The following MED16 variants were observed in gnomAD, a reference collection of about 807,000 sequenced individuals.
MED16 encodes the protein mediator complex subunit 16, also known as mediator of RNA polymerase II transcription subunit 16.
A neutral mutation model predicts 84.4 loss-of-function variants in MED16; 81 were observed. The ratio of observed to expected loss-of-function variants is 0.96; its 90% CI spans 0.80 to 1.15. MED16 has a LOEUF of 1.15. MED16 is among the 50% of genes most tolerant of loss of function. MED16 has a pLI of 0.00. For synonymous variants in MED16, 897 were observed against 552.2 expected (o/e 1.62, Z -8.76); for missense variants, 1,585 against 1,245.9 (o/e 1.27, Z -4.10).
chr19:868,089 G>C lies in MED16; in HGVS notation c.*12C>G, dbSNP rs375750252. On this transcript the variant is annotated 3_prime_UTR_variant, in exon 16 of 16. Transcript: ENST00000325464. ...GCCGGGTCACCACAAGGTCCGCCTGGACCCCCGGCCGTCACGGACGGTCCT... is the reference window on the plus strand; with the variant it reads ...GCCGGGTCACCACAAGGTCCGCCTGCACCCCCGGCCGTCACGGACGGTCCT... 1.2e-4 allele frequency: 190 copies of C among 1,598,166 alleles called. No homozygotes were observed. The African/African-American group carries it at 2.5e-3, about 21-fold the overall frequency.
intron 8 of MED16, among the ~76,000 whole-genome samples, chr19:878,505 C>T (rs2036322769): frequency 6.8e-6 from 1 of 147,116 alleles, no homozygotes; most frequent in Non-Finnish European, 1.5e-5. Flanking sequence ...CCACCAGCCC[C>T]AGCCCCACGT....
chr19:889,728 C>T lies in MED16; in HGVS notation c.357G>A (p.Glu119=). ...CCTCCACTAGGCTGCCCACTGAGCT[C>T]TCCCAGCTATTAGCCAGGTGGTCCG... is the stretch of plus-strand genomic sequence containing the variant. ...SMADHLANSW[E]SSVGSLVEGD... is the part of the protein sequence containing the mutation. Residue 119 remains glutamate, a synonymous_variant, in exon 4 of 16, where the codon GAG becomes GAA. Coordinates refer to ENST00000325464, the MANE Select transcript of MED16 (RefSeq NM_005481.3). The T allele has an allele frequency of 6.2e-7, 1 of 1,613,752 alleles. No individual in the cohort carries two copies. The highest frequency in any genetic ancestry group is 8.5e-7 in the Non-Finnish European group (1 of 1,179,954).
Position 890,156 on chromosome 19 carries a change from G to A in MED16, c.258C>T (p.Cys86=). Residue 86 remains cysteine (C), a synonymous_variant, in exon 3 of 16, where the codon TGC becomes TGT. Transcript: ENST00000325464. ...CCTCACCTGACTGGTCCCACTCCAG[G>A]CAGGTGATGGCCTCGTGGTGCTCTG... ...IPSEHHEAIT[C]LEWDQSGSRL... 1.9e-6 allele frequency: 3 copies of A among 1,550,354 alleles called. No homozygotes were observed. Among genetic ancestry groups the A allele is most frequent in the South Asian group, 2.4e-5 (2 of 84,064 alleles).
intron 11 of MED16, chr19:872,862 C>T (rs192010590): frequency 9.7e-6 from 7 of 722,924 alleles, no homozygotes; most frequent in African/African-American, 6.0e-5. Context: ...GCCTGGGAGG[C>T]GGGGCTTTGA....
chr19:887,298 G>A (rs575982170), intron 4 of MED16, among the ~76,000 whole-genome samples: 12 of 152,294 alleles, frequency 7.9e-5, no homozygotes, highest in African/African-American at 2.4e-4. Context: ...CACACCACAC[G>A]TCTGTGTGGG....
In MED16 at chr19:884,931, G is replaced by A; in HGVS notation, c.957C>T (p.Asn319=). 5 of 1,609,630 alleles carry A rather than the reference G, an allele frequency of 3.1e-6. No individual in the cohort carries two copies. Among genetic ancestry groups the A allele is most frequent in the Non-Finnish European group, 4.2e-6 (5 of 1,179,252 alleles). ...CGGGGGAGATCTGCTGGAAGATGTTGTTCACGGGGAGTCCCTCCTTGCGCA... is the reference window on the plus strand; with the variant it reads ...CGGGGGAGATCTGCTGGAAGATGTTATTCACGGGGAGTCCCTCCTTGCGCA... The part of the protein sequence containing the change: ...WSLRKEGLPV[N]NIFQQISPVV... The change falls in exon 6 of 16, where the codon AAC becomes AAT. Residue 319 remains asparagine (N), a synonymous_variant. Coordinates refer to ENST00000325464, the MANE Select transcript of MED16 (RefSeq NM_005481.3).
rs968050502 is a variant in MED16 at position 871,023 on chromosome 19, A to T, written c.2315+14T>A. On this transcript the variant is annotated intron_variant, in intron 13 of 15. Coordinates refer to ENST00000325464, the MANE Select transcript of MED16 (RefSeq NM_005481.3). ...GAGTCCTGTGTTTGGGGACCAATGC[A>T]GGGACACACGCACCTGGCGAGGCCG... 1.6e-5 allele frequency: 24 copies of T among 1,534,844 alleles called. No individual in the cohort carries two copies. The highest frequency in any genetic ancestry group is 2.1e-5 in the Non-Finnish European group (24 of 1,136,430).
At position 880,114 on chromosome 19, in the gene MED16, G is replaced by T; in HGVS notation, c.1176C>A (p.His392Gln). 6.2e-7 allele frequency: 1 copy of T among 1,610,290 alleles called. No individual in the cohort carries two copies. Among genetic ancestry groups the T allele is most frequent in the Non-Finnish European group, 8.5e-7 (1 of 1,179,338 alleles). Residue 392 changes from histidine to glutamine, a missense_variant, in exon 8 of 16, where the codon CAC becomes CAA. Transcript: ENST00000325464. ...TCTGCAGTGAGAGCCGGTGCACGAT[G>T]TGGACGCTGCCGTCGTGGAAGGCCA... is the stretch of plus-strand genomic sequence containing the variant. ...LALAFHDGSV[H>Q]IVHRLSLQTM...
chr19:879,092 G>A (rs1376976988), intron 8 of MED16, among the ~76,000 whole-genome samples: 3 of 70,754 alleles, frequency 4.2e-5, no homozygotes, highest in African/African-American at 5.5e-5. Context: ...ACGTGCCCCA[G>A]CAGCTCGCCT....
At chr19:881,819 TC>T in intron 6 of MED16, 105 bp from the exon 7 acceptor site, 1 of 1,317,806 alleles carries the variant, frequency 7.6e-7, no homozygotes, top group Non-Finnish European at 1.1e-6. Flanking sequence ...CCAGGGCCCT[TC>T]CCAGGTCTCA....
intron 12 of MED16, chr19:871,666 G>A (rs775413413): frequency 2.1e-5 from 33 of 1,583,694 alleles, no homozygotes; most frequent in East Asian, 4.5e-5. Flanking sequence ...CTAGGAACTG[G>A]GGAAATAGCA....
intron 7 of MED16, 31 bp from the exon 8 acceptor site, chr19:880,179 G>C (rs1040801232): frequency 1.3e-6 from 2 of 1,586,048 alleles, no homozygotes; most frequent in Non-Finnish European, 1.7e-6. Flanking sequence ...TTAGACATGG[G>C]CAGGGCCCAG....
Position 874,314 on chromosome 19 carries a change from G to A in MED16, c.1772-732C>T, listed in dbSNP as rs563354488. Among the ~76,000 whole-genome samples, 15 of 152,170 alleles carry A rather than the reference G, an allele frequency of 9.9e-5. No individual in the cohort carries two copies. In the South Asian group the frequency reaches 1.2e-3, roughly 13 times the overall value. Reference sequence around the variant, plus strand: ...TTTTTAGTAGAGACGGGGTTTCACCGTGTTAGCCAGGATGATCTCGATCTC... The same window carrying A: ...TTTTTAGTAGAGACGGGGTTTCACCATGTTAGCCAGGATGATCTCGATCTC... On this transcript the variant is annotated intron_variant, in intron 10 of 15. Coordinates refer to ENST00000325464, the MANE Select transcript of MED16 (RefSeq NM_005481.3).
chr19:869,001 C>A (rs373231355), intron 13 of MED16, 55 bp from the exon 14 acceptor site: 3 of 1,450,550 alleles, frequency 2.1e-6, no homozygotes, highest in Admixed American at 2.3e-5. Context: ...GGCCAGGTTC[C>A]GGCAGGGGCA....
At position 885,931 on chromosome 19, in the gene MED16, G is replaced by A. The variant is rs2036516118; in HGVS notation, c.718C>T (p.Gln240Ter). Residue 240 changes from glutamine to a stop codon, truncating the protein, a stop_gained, in exon 5 of 16, where the codon CAG becomes TAG. Coordinates refer to ENST00000325464, the MANE Select transcript of MED16 (RefSeq NM_005481.3). LOFTEE classifies it high-confidence loss of function. ...TADGSSASPV[Q>*]FYKVCVSVVS... ...ACGCTCACGCACACCTTGTAGAACT[G>A]CACGGGCGACGCGCTGCTGCCGTCC... 15 of 1,613,176 alleles carry A rather than the reference G, an allele frequency of 9.3e-6. No individual in the cohort carries two copies. The highest frequency in any genetic ancestry group is 1.3e-5 in the African/African-American group (1 of 75,064).
rs78105938 is a variant in MED16, at chr19:873,160, A to G, written c.1905+289T>C. 242 of 134,984 alleles carry G rather than the reference A, an allele frequency of 1.8e-3. 21 individuals are homozygous for G. The highest frequency in any genetic ancestry group is 2.2e-3 in the South Asian group (21 of 9,386). The allele number at this position is 134,984 out of a possible 1,614,324, so 8.4% of individuals were successfully genotyped here. A position where few individuals can be genotyped will look rare whatever the true frequency, so the allele number is the denominator to read the frequency against. On this transcript the variant is annotated intron_variant, in intron 11 of 15. Coordinates refer to ENST00000325464, the MANE Select transcript of MED16 (RefSeq NM_005481.3). Reference sequence around the variant, plus strand: ...GCTCCGAGGTGGGGCAGGGCTAGGAAGTGGGGCAGGGCTAGGAAGTGGGGC... The same window carrying G: ...GCTCCGAGGTGGGGCAGGGCTAGGAGGTGGGGCAGGGCTAGGAAGTGGGGC...
At chr19:882,391 C>A (rs1952465979) in intron 6 of MED16, among the ~76,000 whole-genome samples, 1 of 85,682 alleles carries the variant, frequency 1.2e-5, no homozygotes, top group Non-Finnish European at 2.8e-5. Flanking sequence ...GTGATGCACG[C>A]CTGCACACGC....
rs757826255 is a variant in MED16, at chr19:881,614, C to T, written c.1086G>A (p.Ser362=). 1.4e-5 allele frequency: 22 copies of T among 1,612,562 alleles called. No individual in the cohort carries two copies. The highest frequency in any genetic ancestry group is 5.0e-5 in the Admixed American group (3 of 60,000). Residue 362 remains serine (S), a synonymous_variant, in exon 7 of 16, where the codon TCG becomes TCA. Coordinates refer to ENST00000325464, the MANE Select transcript of MED16 (RefSeq NM_005481.3). Reference sequence around the variant, plus strand: ...CCACCTTGAGGTCGGTGTTGGTGAGCGAGATGGGCAGCTTGGGCAGCGCCA... The same window carrying T: ...CCACCTTGAGGTCGGTGTTGGTGAGTGAGATGGGCAGCTTGGGCAGCGCCA... The part of the protein sequence containing the change: ...SAVALPKLPI[S]LTNTDLKVAS...
chr19:883,554 C>T (rs1345543789), intron 6 of MED16, among the ~76,000 whole-genome samples: 1 of 152,072 alleles, frequency 6.6e-6, no homozygotes, highest in Non-Finnish European at 1.5e-5. Flanking sequence ...CCCCCAGCTG[C>T]CAGGGATGTG....
Sources: gnomAD v4.1 joint callset for allele counts (sites outside exome capture counted in the v4.1 genomes callset) on GRCh38, gnomAD v4.1.1 for gene constraint, MANE v1.5 for transcripts, NCBI Gene and HGNC (gene_info 2026-07-23, HGNC 2026-07-21) for gene names.